Variants in BTN3A1 observed in about 807,000 individuals in gnomAD.
The protein encoded by BTN3A1 is butyrophilin subfamily 3 member A1.
Under a neutral mutation model 43.0 loss-of-function variants are expected in BTN3A1, and 24 were observed. The observed-to-expected ratio is 0.56, with a 90% confidence interval of 0.40 to 0.78. BTN3A1 has a LOEUF of 0.78. BTN3A1 is among the 30% of genes least tolerant of loss of function. The pLI, the probability that BTN3A1 is intolerant of heterozygous loss-of-function variation, is 0.00. For missense variants in BTN3A1, 533 were observed against 626.2 expected (o/e 0.85, Z 1.59); for synonymous variants, 181 against 234.7 (o/e 0.77, Z 2.09).
rs775780913 is a variant in BTN3A1, at chr6:26,413,931, G to A, written c.*239G>A. On this transcript the variant is annotated 3_prime_UTR_variant, in exon 10 of 10. Transcript: ENST00000289361. Reference sequence around the variant, plus strand: ...TACTCATTCAATTATTCATATGACAGTTGTTTGAGTTTGGTACCATCTTAT... The same window carrying A: ...TACTCATTCAATTATTCATATGACAATTGTTTGAGTTTGGTACCATCTTAT... 55 of 660,434 alleles carry A rather than the reference G, an allele frequency of 8.3e-5. No individual in the cohort carries two copies. The highest frequency in any genetic ancestry group is 1.3e-4 in the Non-Finnish European group (54 of 407,584). The allele number at this position is 660,434 out of a possible 1,614,324, so 40.9% of individuals were successfully genotyped here.
At position 26,413,859 on chromosome 6, in the gene BTN3A1, C is replaced by T; in HGVS notation, c.*167C>T. ...TGAGGGCCTCCCCCTCCACAGCAAC[C>T]AATCACAACCATAAAGCTACAAGCA... On this transcript the variant is annotated 3_prime_UTR_variant, in exon 10 of 10. Coordinates refer to ENST00000289361, the MANE Select transcript of BTN3A1 (RefSeq NM_007048.6). 2 of 1,285,938 alleles carry T rather than the reference C, an allele frequency of 1.6e-6. No individual in the cohort carries two copies. The highest frequency in any genetic ancestry group is 2.0e-5 in the Admixed American group (1 of 50,052). 79.7% of individuals were successfully genotyped at this position (1,285,938 alleles called of 1,614,324 possible).
At chr6:26,406,669 T>TTGAGC (rs1310072463) in intron 3 of BTN3A1, among the ~76,000 whole-genome samples, 1 of 152,232 alleles carries the variant, frequency 6.6e-6, no homozygotes, top group African/African-American at 2.4e-5. Context: ...GCCAATGTTC[T>TTGAGC]TGAGCCAATG....
rs753862844 is a variant in BTN3A1, at chr6:26,413,714, A to C, written c.*22A>C. Reference sequence around the variant, plus strand: ...GTGAAAAGAAGAAGAGAGTTCCTCCAATTCTGACCGAGTGCTGATCATTCC... The same window carrying C: ...GTGAAAAGAAGAAGAGAGTTCCTCCCATTCTGACCGAGTGCTGATCATTCC... On this transcript the variant is annotated 3_prime_UTR_variant, in exon 10 of 10. Transcript: ENST00000289361. 1.2e-5 allele frequency: 20 copies of C among 1,610,742 alleles called. No individual in the cohort carries two copies. The highest frequency in any genetic ancestry group is 1.7e-5 in the Non-Finnish European group (20 of 1,179,684).
At chr6:26,403,725 T>G (rs932252723) in intron 1 of BTN3A1, among the ~76,000 whole-genome samples, 1 of 152,198 alleles carries the variant, frequency 6.6e-6, no homozygotes, top group East Asian at 1.9e-4. Context: ...GGTTTCATTA[T>G]GTTGACCAGG....
At chr6:26,411,265 G>C in intron 8 of BTN3A1, 130 bp downstream of exon 8, 1 of 1,233,412 alleles carries the variant, frequency 8.1e-7, no homozygotes, top group Non-Finnish European at 1.1e-6. Context: ...CAATTTGTGT[G>C]TTGTGGGGGG....
At position 26,411,442 on chromosome 6, in the gene BTN3A1, C is replaced by T. The variant is rs796354648; in HGVS notation, c.992-113C>T. On this transcript the variant is annotated intron_variant, in intron 8 of 9. Transcript: ENST00000289361. Reference sequence around the variant, plus strand: ...AGAGCTGTAGAAGAGGGAGGCTGGACCCTGGAAGAGACTCTGAAGAAAAGG... The same window carrying T: ...AGAGCTGTAGAAGAGGGAGGCTGGATCCTGGAAGAGACTCTGAAGAAAAGG... The T allele has an allele frequency of 3.0e-5, 41 of 1,344,606 alleles. No homozygotes were observed. The African/African-American group carries it at 5.0e-4, about 16-fold the overall frequency. 83.3% of individuals were successfully genotyped at this position (1,344,606 alleles called of 1,614,324 possible).
chr6:26,403,966 A>T (rs1198152437), intron 1 of BTN3A1, among the ~76,000 whole-genome samples: 2 of 152,238 alleles, frequency 1.3e-5, no homozygotes, highest in African/African-American at 2.4e-5. Flanking sequence ...AATAAAAATG[A>T]TACCCCCTCT....
chr6:26,413,765 T>A lies in BTN3A1; in HGVS notation c.*73T>A. ...CTAGAGACACCAGTAACCCCGGGCT[T>A]AGCTAACGAAAGTGGGGAGCCTCAG... On this transcript the variant is annotated 3_prime_UTR_variant, in exon 10 of 10. Coordinates refer to ENST00000289361, the MANE Select transcript of BTN3A1 (RefSeq NM_007048.6). The A allele has an allele frequency of 6.2e-7, 1 of 1,603,784 alleles. No homozygotes were observed. The highest frequency in any genetic ancestry group is 8.5e-7 in the Non-Finnish European group (1 of 1,179,848).
chr6:26,407,118 A>C (rs1406843477), intron 3 of BTN3A1, among the ~76,000 whole-genome samples: 2 of 152,208 alleles, frequency 1.3e-5, no homozygotes, highest in African/African-American at 4.8e-5. Flanking sequence ...AAGTGCCATC[A>C]TCTGATGCTG....
chr6:26,412,848 G>C, intron 9 of BTN3A1: 10 of 1,531,338 alleles, frequency 6.5e-6, no homozygotes, highest in Non-Finnish European at 8.8e-6. Context: ...AAGCATTAGT[G>C]GGCAGAGTGA....
Position 26,409,549 on chromosome 6 carries a change from C to T in BTN3A1, c.732C>T (p.Ser244=), listed in dbSNP as rs373981851. 81 of 1,613,702 alleles carry T rather than the reference C, an allele frequency of 5.0e-5. No individual in the cohort carries two copies. Among genetic ancestry groups the T allele is most frequent in the Non-Finnish European group, 5.2e-5 (61 of 1,179,996 alleles). ...SISIADPFFR[S]AQRWIAALAG... is the part of the protein sequence containing the mutation. ...CCTTCACAGACCCCTTCTTCAGGAG[C>T]GCCCAGAGGTGGATCGCCGCCCTGG... is the stretch of plus-strand genomic sequence containing the variant. Residue 244 remains serine, a synonymous_variant, in exon 5 of 10, where the codon AGC becomes AGT. Coordinates refer to ENST00000289361, the MANE Select transcript of BTN3A1 (RefSeq NM_007048.6).
At chr6:26,407,222 T>C (rs905785323) in intron 3 of BTN3A1, among the ~76,000 whole-genome samples, 1 of 152,186 alleles carries the variant, frequency 6.6e-6, no homozygotes, top group Admixed American at 6.5e-5. Context: ...CTTAGTGCAA[T>C]GCTTTTCCCT....
chr6:26,413,921 T>TC lies in BTN3A1; in HGVS notation c.*230dup. The TC allele has an allele frequency of 1.4e-6, 1 of 703,242 alleles. No homozygotes were observed. Among genetic ancestry groups the TC allele is most frequent in the Non-Finnish European group, 2.3e-6 (1 of 437,716 alleles). The allele number at this position is 703,242 out of a possible 1,614,324, so 43.6% of individuals were successfully genotyped here. A position where few individuals can be genotyped will look rare whatever the true frequency, so the allele number is the denominator to read the frequency against. ...ACTTTACTGATACTCATTCAATTAT[T>TC]CATATGACAGTTGTTTGAGTTTGGT... On this transcript the variant is annotated 3_prime_UTR_variant, in exon 10 of 10. Coordinates refer to ENST00000289361, the MANE Select transcript of BTN3A1 (RefSeq NM_007048.6).
At chr6:26,411,285 G>A (rs917409683) in intron 8 of BTN3A1, 150 bp downstream of exon 8, 12 of 1,165,652 alleles carry the variant, frequency 1.0e-5, no homozygotes, top group Non-Finnish European at 1.4e-5. Flanking sequence ...GTTGATTTCT[G>A]CTTTTCTGGA....
chr6:26,406,747 T>G (rs2393651), intron 3 of BTN3A1, among the ~76,000 whole-genome samples: 3,165 of 152,276 alleles, frequency 0.021, 87 homozygotes, highest in African/African-American at 0.066. Flanking sequence ...AGAACACATA[T>G]CATGGGGAGC....
chr6:26,409,928 C>A lies in BTN3A1; in HGVS notation c.937+14C>A, dbSNP rs750655600. The A allele has an allele frequency of 1.2e-6, 2 of 1,614,160 alleles. No homozygotes were observed. Among genetic ancestry groups the A allele is most frequent in the Non-Finnish European group, 1.7e-6 (2 of 1,180,010 alleles). ...TGGAGGAACTCAGTAAGTTCCCATT[C>A]CCCCAGAGACCCAGGCATGTCTTCC... is the stretch of plus-strand genomic sequence containing the variant. On this transcript the variant is annotated intron_variant, in intron 6 of 9. Transcript: ENST00000289361.
intron 9 of BTN3A1, 195 bp downstream of exon 9, chr6:26,411,776 A>G (rs768346667): frequency 9.4e-6 from 6 of 636,020 alleles, no homozygotes; most frequent in Non-Finnish European, 1.3e-5. Flanking sequence ...AGCCCAGGGA[A>G]CCAGGGCGAA....
intron 4 of BTN3A1, 55 bp downstream of exon 4, chr6:26,408,007 A>C: frequency 6.3e-7 from 1 of 1,599,506 alleles, no homozygotes; most frequent in Non-Finnish European, 8.5e-7. Flanking sequence ...AGTTGAATGA[A>C]GGGGGAGGTG....
chr6:26,405,656 A>ACAATTC lies in BTN3A1; in HGVS notation c.85+11_85+16dup. 6.2e-7 allele frequency: 1 copy of ACAATTC among 1,613,964 alleles called. No homozygotes were observed. Among genetic ancestry groups the ACAATTC allele is most frequent in the Non-Finnish European group, 8.5e-7 (1 of 1,179,836 alleles). ...TGCTCATGCCTCACTCAGGTAGGGA[A>ACAATTC]CAATTCCACGCTTGTTTCTGAAGCA... is the stretch of plus-strand genomic sequence containing the variant. On this transcript the variant is annotated intron_variant, in intron 2 of 9. Transcript: ENST00000289361.
Sources: allele counts gnomAD v4.1 joint callset (sites outside exome capture counted in the v4.1 genomes callset), GRCh38; gene constraint gnomAD v4.1.1; transcripts MANE v1.5; gene names NCBI Gene and HGNC (gene_info 2026-07-23, HGNC 2026-07-21).